PIK3CB: variants seen among roughly 807,000 people sequenced by gnomAD.
PIK3CB encodes phosphatidylinositol-4,5-bisphosphate 3-kinase catalytic subunit beta.
In PIK3CB, 39 loss-of-function variants were observed where a neutral mutation model predicts 136.8. The ratio of observed to expected loss-of-function variants is 0.29; its 90% CI spans 0.22 to 0.37. PIK3CB has a LOEUF of 0.37. Ranked by LOEUF, PIK3CB falls within the 10% of genes least tolerant of loss-of-function variation. The pLI, the probability that PIK3CB is intolerant of heterozygous loss-of-function variation, is 1.00. For missense variants in PIK3CB, 868 were observed against 1,275.4 expected, an observed-to-expected ratio of 0.68 and a Z score of 4.87; for synonymous variants, 428 against 436.6, an observed-to-expected ratio of 0.98 and a Z score of 0.25.
chr3:138,688,783 A>T (rs1274932784), intron 16 of PIK3CB, 92 bp downstream of exon 16: 1 of 733,158 alleles, frequency 1.4e-6, no homozygotes, highest in Non-Finnish European at 2.4e-6. Flanking sequence ...CAAGTACCAA[A>T]TTGAACATGA....
intron 2 of PIK3CB, among the ~76,000 whole-genome samples, chr3:138,777,388 T>G (rs1181461724): frequency 6.6e-6 from 1 of 152,126 alleles, no homozygotes; most frequent in African/African-American, 2.4e-5. Context: ...TCTTAGAAGG[T>G]AGCCACCAAG....
intron 4 of PIK3CB, among the ~76,000 whole-genome samples, chr3:138,748,466 T>C (rs994090267): frequency 2.0e-5 from 3 of 152,192 alleles, no homozygotes; most frequent in Admixed American, 6.6e-5. Flanking sequence ...TCTGCATAAA[T>C]AGTCTCTGTT....
intron 2 of PIK3CB, among the ~76,000 whole-genome samples, chr3:138,782,026 G>C (rs2045929108): frequency 6.6e-6 from 1 of 152,192 alleles, no homozygotes; most frequent in Non-Finnish European, 1.5e-5. Flanking sequence ...CCAAATTTAT[G>C]AATCAATTGA....
At chr3:138,685,106 C>T (rs1171814686) in intron 16 of PIK3CB, 4 of 257,330 alleles carry the variant, frequency 1.6e-5, no homozygotes, top group East Asian at 1.1e-4. Context: ...GGGCCAGGTG[C>T]GCACTATGGG....
intron 8 of PIK3CB, among the ~76,000 whole-genome samples, chr3:138,719,088 C>T (rs986969353): frequency 6.6e-6 from 1 of 152,008 alleles, no homozygotes; most frequent in Non-Finnish European, 1.5e-5. Context: ...AAAGCCTGGG[C>T]ACTTTCATTT....
intron 2 of PIK3CB, among the ~76,000 whole-genome samples, chr3:138,764,792 GC>G (rs890151018): frequency 3.9e-5 from 6 of 151,902 alleles, no homozygotes; most frequent in African/African-American, 7.3e-5. Flanking sequence ...GCTCCATATT[GC>G]CTGACCAAAT....
intron 21 of PIK3CB, among the ~76,000 whole-genome samples, chr3:138,660,454 GTTCTT>G (rs1199529089): frequency 1.3e-5 from 2 of 152,072 alleles, no homozygotes; most frequent in Non-Finnish European, 2.9e-5. Context: ...TTTTCCCAGA[GTTCTT>G]TTCTTTTCTT....
intron 21 of PIK3CB, among the ~76,000 whole-genome samples, chr3:138,663,000 C>T (rs1455955278): frequency 7.2e-5 from 11 of 152,080 alleles, no homozygotes; most frequent in Admixed American, 2.0e-4. Context: ...TAGGCATGGG[C>T]AAGGACTTCA....
chr3:138,695,023 T>C (rs763049732), intron 13 of PIK3CB, 116 bp from the exon 14 acceptor site: 3 of 902,586 alleles, frequency 3.3e-6, no homozygotes, highest in Non-Finnish European at 3.2e-6. Context: ...CTTTTAATTA[T>C]TGATGCCTCA....
At chr3:138,758,638 T>C (rs781396976) in intron 3 of PIK3CB, among the ~76,000 whole-genome samples, 4 of 152,308 alleles carry the variant, frequency 2.6e-5, no homozygotes, top group East Asian at 1.9e-4. Flanking sequence ...AGGTATATCA[T>C]AAATATGTTT....
chr3:138,701,443 G>A (rs2044250232), intron 12 of PIK3CB, among the ~76,000 whole-genome samples: 1 of 152,124 alleles, frequency 6.6e-6, no homozygotes, highest in Admixed American at 6.6e-5. Context: ...CTCAGGTTAT[G>A]TATAAAAATG....
rs189089753 is a variant in PIK3CB, at chr3:138,724,743, T to C, written c.1050+8618A>G. Among the ~76,000 whole-genome samples, 684 of 152,286 alleles carry C rather than the reference T, an allele frequency of 4.5e-3. 7 individuals are homozygous for C. Among genetic ancestry groups the C allele is most frequent in the African/African-American group, 0.014 (600 of 41,572 alleles). On this transcript the variant is annotated intron_variant, in intron 8 of 23. Transcript: ENST00000674063. The stretch of plus-strand genomic sequence containing the variant: ...AGACTAGATCAAACCATTAGAATAA[T>C]AGATGCTCCTATCACTCAGGAAATG...
intron 2 of PIK3CB, chr3:138,777,965 C>A: frequency 2.6e-6 from 1 of 379,798 alleles, no homozygotes; most frequent in Non-Finnish European, 5.2e-6. Context: ...CTATATGTTC[C>A]ATGATGATTC....
chr3:138,716,910 A>AAAG (rs1490769082), intron 8 of PIK3CB, among the ~76,000 whole-genome samples: 1 of 149,186 alleles, frequency 6.7e-6, no homozygotes, highest in African/African-American at 2.5e-5. Context: ...AAAAAAAAAA[A>AAAG]AAAAAAAAAA....
chr3:138,685,220 A>G, intron 16 of PIK3CB: 1 of 155,048 alleles, frequency 6.4e-6, no homozygotes, highest in Non-Finnish European at 1.4e-5. Flanking sequence ...GCGAAACCCT[A>G]TCTCTACAAA....
At chr3:138,711,667 C>T (rs1260879031) in intron 10 of PIK3CB, among the ~76,000 whole-genome samples, 1 of 151,392 alleles carries the variant, frequency 6.6e-6, no homozygotes, top group Admixed American at 6.6e-5. Context: ...GACAAAGCTA[C>T]CCATCACAAA....
intron 15 of PIK3CB, 99 bp downstream of exon 15, chr3:138,690,901 G>A (rs726527): frequency 1.0e-6 from 1 of 954,716 alleles, no homozygotes; most frequent in Non-Finnish European, 1.6e-6. Context: ...AAACGGTTCA[G>A]AAAAAAACTA....
intron 12 of PIK3CB, among the ~76,000 whole-genome samples, chr3:138,701,227 C>CA (rs1359047212): frequency 7.0e-6 from 1 of 142,344 alleles, no homozygotes; most frequent in Admixed American, 6.9e-5. Flanking sequence ...AAAAAAAAAA[C>CA]AAAAAACAAA....
intron 18 of PIK3CB, 106 bp from the exon 19 acceptor site, chr3:138,682,151 G>A (rs1405175986): frequency 1.1e-5 from 7 of 641,908 alleles, no homozygotes; most frequent in Non-Finnish European, 1.6e-5. Flanking sequence ...AACAAACTCT[G>A]TGCTAATATT....
Sources: allele counts gnomAD v4.1 joint callset (sites outside exome capture counted in the v4.1 genomes callset), GRCh38; gene constraint gnomAD v4.1.1; transcripts MANE v1.5; gene names NCBI Gene and HGNC (gene_info 2026-07-23, HGNC 2026-07-21).